PCDHA3: variants seen among roughly 807,000 people sequenced by gnomAD.
PCDHA3 encodes protocadherin alpha-3.
In PCDHA3, 41 loss-of-function variants were observed where a neutral mutation model predicts 62.2. The ratio of observed to expected loss-of-function variants is 0.66; its 90% CI spans 0.51 to 0.86. The LOEUF (loss-of-function observed/expected upper bound fraction) is 0.86. PCDHA3 is among the 40% of genes least tolerant of loss of function. The pLI, the probability that PCDHA3 is intolerant of heterozygous loss-of-function variation, is 0.00. For synonymous variants in PCDHA3, 640 were observed against 555.4 expected (o/e 1.15, Z -2.14); for missense variants, 1,304 against 1,241.2 (o/e 1.05, Z -0.76).
At chr5:140,924,902 A>AT (rs1563068435) in intron 1 of PCDHA3, among the ~76,000 whole-genome samples, 2 of 39,026 alleles carry the variant, frequency 5.1e-5, no homozygotes, top group Non-Finnish European at 1.3e-4. Context: ...CTCAAAAAAA[A>AT]AAATAAAATA....
At chr5:140,987,292 T>G (rs2097246000) in intron 3 of PCDHA3, among the ~76,000 whole-genome samples, 1 of 152,134 alleles carries the variant, frequency 6.6e-6, no homozygotes, top group African/African-American at 2.4e-5. Context: ...TTAACAAGCC[T>G]TCTATGTGAT....
At chr5:140,884,520 C>A (rs782029549) in intron 1 of PCDHA3, 1 of 1,614,036 alleles carries the variant, frequency 6.2e-7, no homozygotes, top group Non-Finnish European at 8.5e-7. Flanking sequence ...TGGTCGTACT[C>A]GCAGCAGAGG....
chr5:140,922,989 G>A (rs2081104632), intron 1 of PCDHA3, among the ~76,000 whole-genome samples: 1 of 152,214 alleles, frequency 6.6e-6, no homozygotes, highest in Non-Finnish European at 1.5e-5. Context: ...CAATAGGCAA[G>A]CCATGAGAAT....
intron 1 of PCDHA3, among the ~76,000 whole-genome samples, chr5:140,826,378 T>A (rs1768925032): frequency 6.6e-6 from 1 of 152,174 alleles, no homozygotes; most frequent in South Asian, 2.1e-4. Flanking sequence ...AGAAAGTCAG[T>A]GATAAGAACT....
At chr5:140,913,092 C>T (rs1293188459) in intron 1 of PCDHA3, among the ~76,000 whole-genome samples, 1 of 152,134 alleles carries the variant, frequency 6.6e-6, no homozygotes, top group Non-Finnish European at 1.5e-5. Flanking sequence ...CAGGATAATA[C>T]TGGCCTCATA....
intron 1 of PCDHA3, among the ~76,000 whole-genome samples, chr5:140,891,039 A>AC (rs143686625): frequency 6.6e-6 from 1 of 152,040 alleles, no homozygotes; most frequent in East Asian, 1.9e-4. Flanking sequence ...CTTAGGTGTG[A>AC]CCCCCACAGC....
In PCDHA3 at chr5:140,883,888, T is replaced by G. The variant is rs781919107; in HGVS notation, c.2394+80297T>G. ...AGTTCCAGGTGAGCGCGCGCGACTC[T>G]GGCGTGCCGCCTCTGGGCAGCAACG... On this transcript the variant is annotated intron_variant, in intron 1 of 3. Transcript: ENST00000522353. 33 of 1,612,942 alleles carry G rather than the reference T, an allele frequency of 2.0e-5. No individual in the cohort carries two copies. In the African/African-American group the frequency reaches 2.1e-4, roughly 10 times the overall value.
At chr5:140,899,336 A>G (rs2067275819) in intron 1 of PCDHA3, among the ~76,000 whole-genome samples, 1 of 152,130 alleles carries the variant, frequency 6.6e-6, no homozygotes, top group Non-Finnish European at 1.5e-5. Context: ...TTTGTCATAG[A>G]TAGCTCTTAT....
At chr5:140,842,267 T>C (rs2150333098) in intron 1 of PCDHA3, 11 of 1,610,674 alleles carry the variant, frequency 6.8e-6, no homozygotes, top group African/African-American at 5.3e-5. Flanking sequence ...AGAAAACTTA[T>C]ACAAAATCCT....
At chr5:140,966,914 G>C in intron 1 of PCDHA3, 2 of 1,602,270 alleles carry the variant, frequency 1.2e-6, no homozygotes, top group Non-Finnish European at 1.7e-6. Flanking sequence ...CTCTGTGCCA[G>C]AGGAGCAGGC....
rs116228766 is a variant in PCDHA3 at position 140,907,042 on chromosome 5, C to A, written c.2395-71907C>A. Among the ~76,000 whole-genome samples, 705 of 152,284 alleles carry A rather than the reference C, an allele frequency of 4.6e-3. 3 individuals carry two copies. The highest frequency in any genetic ancestry group is 0.016 in the African/African-American group (683 of 41,556). On this transcript the variant is annotated intron_variant, in intron 1 of 3. Coordinates refer to ENST00000522353, the MANE Select transcript of PCDHA3 (RefSeq NM_018906.3). The stretch of plus-strand genomic sequence containing the variant: ...CCAGCAGAACATAATGTCACAGGGA[C>A]AGTAAGCAAAAATTTTACTAGTGGG...
chr5:140,852,586 T>A (rs2042389124), intron 1 of PCDHA3: 4 of 878,450 alleles, frequency 4.6e-6, no homozygotes, highest in East Asian at 1.2e-4. Context: ...TTTTTTATTT[T>A]TTTTTTTTGT....
intron 1 of PCDHA3, among the ~76,000 whole-genome samples, chr5:140,958,345 C>G (rs1220590485): frequency 6.6e-6 from 1 of 152,044 alleles, no homozygotes; most frequent in African/African-American, 2.4e-5. Flanking sequence ...ACAGGAAGTT[C>G]ACAGTCTGAC....
chr5:140,828,554 G>C, intron 1 of PCDHA3: 1 of 1,614,212 alleles, frequency 6.2e-7, no homozygotes. Flanking sequence ...GTTTCCACTG[G>C]AGGGCGCGTC....
At chr5:140,878,399 A>T (rs1246599611) in intron 1 of PCDHA3, among the ~76,000 whole-genome samples, 2 of 152,238 alleles carry the variant, frequency 1.3e-5, no homozygotes, top group East Asian at 3.8e-4. Flanking sequence ...TTGCTCACAA[A>T]ATATCTTCTT....
chr5:140,993,372 A>T (rs2097552472), intron 3 of PCDHA3, among the ~76,000 whole-genome samples: 1 of 151,976 alleles, frequency 6.6e-6, no homozygotes, highest in South Asian at 2.1e-4. Context: ...ACTACCTCCC[A>T]GCCGGGTCCC....
At chr5:140,941,202 C>CTTTTCTTTCTTCCTTTCTTT (rs1554213921) in intron 1 of PCDHA3, among the ~76,000 whole-genome samples, 1 of 122,742 alleles carries the variant, frequency 8.1e-6, no homozygotes, top group Non-Finnish European at 1.8e-5. Flanking sequence ...TTTCTTTCTT[C>CTTTTCTTTCTTCCTTTCTTT]CTTTCTTTCT....
intron 1 of PCDHA3, among the ~76,000 whole-genome samples, chr5:140,879,542 GA>G (rs1281717017): frequency 6.6e-6 from 1 of 152,104 alleles, no homozygotes; most frequent in African/African-American, 2.4e-5. Context: ...CTCCTTTAGA[GA>G]AAAAAATAAT....
At chr5:140,938,538 AT>A (rs1278860544) in intron 1 of PCDHA3, among the ~76,000 whole-genome samples, 1 of 135,490 alleles carries the variant, frequency 7.4e-6, no homozygotes, top group Non-Finnish European at 1.6e-5. Context: ...GATAATATGG[AT>A]TTTTATCCTT....
Sources: allele counts gnomAD v4.1 joint callset (sites outside exome capture counted in the v4.1 genomes callset), GRCh38; gene constraint gnomAD v4.1.1; transcripts MANE v1.5; gene names NCBI Gene and HGNC (gene_info 2026-07-23, HGNC 2026-07-21).